Variants in LPAR6 observed in about 807,000 individuals in gnomAD.
The protein encoded by LPAR6 is lysophosphatidic acid receptor 6.
LPAR6 carries 17 observed loss-of-function variants against 22.0 expected under a neutral mutation model. The observed-to-expected ratio is 0.77, with a 90% CI of 0.53 to 1.16. The LOEUF is 1.16. LPAR6 is among the 50% of genes most tolerant of loss of function. LPAR6 has a pLI of 0.00. For synonymous variants in LPAR6, 136 were observed against 139.8 expected, an observed-to-expected ratio of 0.97 and a Z score of 0.19; for missense variants, 384 against 406.9, an observed-to-expected ratio of 0.94 and a Z score of 0.48.
chr13:48,439,677 G>A (rs963839199), intron 1 of LPAR6: 1 of 152,164 alleles, frequency 6.6e-6, no homozygotes, highest in African/African-American at 2.4e-5. Flanking sequence ...TATTGAATGT[G>A]TTATGATTTA....
intron 2 of LPAR6, among the ~76,000 whole-genome samples, chr13:48,420,566 G>T (rs147111726): frequency 1.3e-5 from 2 of 152,138 alleles, no homozygotes; most frequent in Non-Finnish European, 2.9e-5. Flanking sequence ...GAAATAAAGC[G>T]TATTCAAGTA....
chr13:48,390,560 C>T (rs1948602605), intron 1 of LPAR6, among the ~76,000 whole-genome samples: 1 of 151,988 alleles, frequency 6.6e-6, no homozygotes, highest in South Asian at 2.1e-4. Context: ...CTAGAGAGGT[C>T]CTGAAAGCAA....
At chr13:48,429,860 T>C (rs769906957), upstream of LPAR6, among the ~76,000 whole-genome samples, 2 of 152,104 alleles carry the variant, frequency 1.3e-5, no homozygotes, top group Non-Finnish European at 2.9e-5. Context: ...ATAGGCAAAG[T>C]GCAGGATGTA....
rs954570190 is a variant in LPAR6 at position 48,412,007 on chromosome 13, G to A, written c.417C>T (p.Gly139=). The change falls in exon 1 of 1, where the codon GGC becomes GGT. Residue 139 remains glycine (G), a synonymous_variant. Transcript: ENST00000620633. ...TTCCTCCGATCACAGTTAACCACAC[G>A]CCAGTGCAAACAATCTTTGCATTTC... ...TKRNAKIVCT[G]VWLTVIGGSA... 5.6e-6 allele frequency: 9 copies of A among 1,611,126 alleles called. No homozygotes were observed. The highest frequency in any genetic ancestry group is 6.8e-6 in the Non-Finnish European group (8 of 1,178,516).
chr13:48,410,076 C>T (rs542440892), downstream of LPAR6, among the ~76,000 whole-genome samples: 28 of 152,124 alleles, frequency 1.8e-4, no homozygotes, highest in East Asian at 1.7e-3. Flanking sequence ...ATCATTTTGA[C>T]GTACAATAAC....
intron 1 of LPAR6, among the ~76,000 whole-genome samples, chr13:48,401,814 A>T (rs993728997): frequency 6.6e-6 from 1 of 152,172 alleles, no homozygotes; most frequent in African/African-American, 2.4e-5. Context: ...TACTTTGCTA[A>T]GTTTCAGTGG....
At chr13:48,425,187 T>C (rs971058934) in intron 1 of LPAR6, among the ~76,000 whole-genome samples, 2 of 152,230 alleles carry the variant, frequency 1.3e-5, no homozygotes, top group African/African-American at 2.4e-5. Context: ...TGATGTGTAA[T>C]GAAGGCTAGC....
At position 48,421,487 on chromosome 13, in the gene LPAR6, C is replaced by T. The variant is rs1226561761; in HGVS notation, c.-954+1163G>A. ...GACTTCCTGACCAAAACACCAAAAG[C>T]AATGGTAACAAAAGCCAAAATTGAC... On this transcript the variant is annotated intron_variant, in intron 2 of 4. Coordinates refer to the LPAR6 transcript ENST00000345941. Among the ~76,000 whole-genome samples, 11 of 152,242 alleles carry T rather than the reference C, an allele frequency of 7.2e-5. No homozygotes were observed. The East Asian group carries it at 1.3e-3, about 19-fold the overall frequency.
chr13:48,432,950 G>A (rs904524558), intron 1 of LPAR6, among the ~76,000 whole-genome samples: 3 of 152,044 alleles, frequency 2.0e-5, no homozygotes, highest in African/African-American at 7.2e-5. Flanking sequence ...TGCTTATATA[G>A]TTGAAATCAG....
Position 48,432,419 on chromosome 13 carries a change from G to GT in LPAR6, c.-1473-8301dup, listed in dbSNP as rs1949139471. ...CTCATAAAATAGGAATGCATGTTTT[G>GT]TTTTTTTGTTTTTTTTTTTGGGCTA... is the stretch of plus-strand genomic sequence containing the variant. On this transcript the variant is annotated intron_variant, in intron 1 of 6. Transcript: ENST00000378434. Among the ~76,000 whole-genome samples, 5 of 145,792 alleles carry GT rather than the reference G, an allele frequency of 3.4e-5. No homozygotes were observed. The South Asian group carries it at 9.0e-4, about 26-fold the overall frequency.
intron 1 of LPAR6, among the ~76,000 whole-genome samples, chr13:48,443,077 G>A (rs1949253724): frequency 6.6e-6 from 1 of 151,750 alleles, no homozygotes; most frequent in Non-Finnish European, 1.5e-5. Flanking sequence ...ATTTTAAAAT[G>A]TGTTTGTTCA....
At chr13:48,403,572 CAG>C (rs1273852961) in intron 1 of LPAR6, among the ~76,000 whole-genome samples, 1 of 152,084 alleles carries the variant, frequency 6.6e-6, no homozygotes, top group South Asian at 2.1e-4. Context: ...GTAGCAGATA[CAG>C]AGAGTGGGGC....
rs1948813132 is a variant in LPAR6, at chr13:48,411,892, T to C, written c.532A>G (p.Lys178Glu). Residue 178 changes from lysine to glutamate, a missense_variant, in exon 1 of 1, where the codon AAA becomes GAA. Transcript: ENST00000620633. ...CFENFPEATW[K>E]TYLSRIVIFI... Reference sequence around the variant, plus strand: ...ATTACAATCCTTGAGAGATATGTTTTCCATGTGGCTTCTGGAAAATTTTCA... The same window carrying C: ...ATTACAATCCTTGAGAGATATGTTTCCCATGTGGCTTCTGGAAAATTTTCA... 1 of 1,613,648 alleles carries C rather than the reference T, an allele frequency of 6.2e-7. No individual in the cohort carries two copies. Among genetic ancestry groups the C allele is most frequent in the South Asian group, 1.1e-5 (1 of 91,070 alleles).
Position 48,412,681 on chromosome 13 carries a change from T to C in LPAR6, c.-258A>G, listed in dbSNP as rs1395512234. 1.9e-6 allele frequency: 1 copy of C among 520,726 alleles called. No homozygotes were observed. Among genetic ancestry groups the C allele is most frequent in the Non-Finnish European group, 3.6e-6 (1 of 280,818 alleles). The allele number at this position is 520,726 out of a possible 1,614,324, so 32.3% of individuals were successfully genotyped here. The stretch of plus-strand genomic sequence containing the variant: ...TTAGAAAATCCATGAATTCCAAGGC[T>C]CAGTTAACTGACGAGCAACCTTTAA... On this transcript the variant is annotated 5_prime_UTR_variant, in exon 1 of 1. Coordinates refer to ENST00000620633, the MANE Select transcript of LPAR6 (RefSeq NM_001162498.3).
At chr13:48,417,911 T>C (rs1948940347), upstream of LPAR6, among the ~76,000 whole-genome samples, 1 of 152,212 alleles carries the variant, frequency 6.6e-6, no homozygotes. Context: ...ATTGTCCCTG[T>C]ACCTGAAAGT....
intron 1 of LPAR6, among the ~76,000 whole-genome samples, chr13:48,405,370 G>A (rs1948730732): frequency 6.6e-6 from 1 of 151,950 alleles, no homozygotes. Context: ...TTTTTTCCTC[G>A]GGCTTTTGAA....
At chr13:48,394,080 A>G (rs1263405934) in intron 1 of LPAR6, among the ~76,000 whole-genome samples, 1 of 152,154 alleles carries the variant, frequency 6.6e-6, no homozygotes, top group Non-Finnish European at 1.5e-5. Flanking sequence ...CTGGTTAGAC[A>G]GTGGATGCAG....
intron 1 of LPAR6, among the ~76,000 whole-genome samples, chr13:48,401,043 T>C (rs187460429): frequency 6.6e-6 from 1 of 152,276 alleles, no homozygotes; most frequent in Admixed American, 6.5e-5. Context: ...TTCACTGTTA[T>C]ATTACAGTTG....
intron 1 of LPAR6, among the ~76,000 whole-genome samples, chr13:48,434,455 G>A (rs2138287512): frequency 6.6e-6 from 1 of 152,086 alleles, no homozygotes; most frequent in East Asian, 1.9e-4. Context: ...TATCCAACAA[G>A]CCTAAGACTC....
Sources: gnomAD v4.1 joint callset for allele counts (sites outside exome capture counted in the v4.1 genomes callset) on GRCh38, gnomAD v4.1.1 for gene constraint, MANE v1.5 for transcripts, NCBI Gene and HGNC (gene_info 2026-07-23, HGNC 2026-07-21) for gene names.